Variants in CACNA2D3 observed in about 807,000 individuals in gnomAD.
CACNA2D3 encodes voltage-dependent calcium channel subunit alpha-2/delta-3.
In CACNA2D3, 60 loss-of-function variants were observed where a neutral mutation model predicts 160.6. The ratio of observed to expected loss-of-function variants is 0.37; its 90% CI spans 0.30 to 0.46. CACNA2D3 has a LOEUF of 0.46. CACNA2D3 is among the 20% of genes least tolerant of loss of function. The probability of loss-of-function intolerance (pLI) is 1.00; values close to 1 mark genes in which losing one functional copy is unlikely to be tolerated. For synonymous variants in CACNA2D3, 558 were observed against 492.9 expected (o/e 1.13, Z -1.75); for missense variants, 1,205 against 1,365.0 (o/e 0.88, Z 1.85).
intron 13 of CACNA2D3, among the ~76,000 whole-genome samples, chr3:54,775,423 C>T (rs1007238458): frequency 5.3e-5 from 8 of 152,188 alleles, no homozygotes; most frequent in East Asian, 3.9e-4. Context: ...AATGGAGACA[C>T]GAAGCCCAGT....
intron 16 of CACNA2D3, 21 bp from the exon 17 acceptor site, chr3:54,846,372 C>G: frequency 6.4e-7 from 1 of 1,556,524 alleles, no homozygotes; most frequent in Non-Finnish European, 8.8e-7. Context: ...ATGAAGGTTT[C>G]TTTCTTGCTT....
chr3:54,883,829 T>TCTCCCC (rs1699864670), intron 21 of CACNA2D3, among the ~76,000 whole-genome samples: 1 of 145,704 alleles, frequency 6.9e-6, no homozygotes, highest in African/African-American at 2.6e-5. Context: ...CTCTCCTCTC[T>TCTCCCC]CTCCCTTCAA....
intron 11 of CACNA2D3, among the ~76,000 whole-genome samples, chr3:54,727,990 A>G (rs1297264155): frequency 6.6e-6 from 1 of 152,050 alleles, no homozygotes; most frequent in African/African-American, 2.4e-5. Flanking sequence ...GCTTTTTAGT[A>G]TGTTTTTTTC....
At chr3:54,422,832 A>G (rs760679212) in intron 4 of CACNA2D3, among the ~76,000 whole-genome samples, 1 of 152,076 alleles carries the variant, frequency 6.6e-6, no homozygotes, top group Admixed American at 6.5e-5. Context: ...CTACAGAAAC[A>G]CTAACTAACA....
chr3:54,843,902 G>A (rs907651224), intron 16 of CACNA2D3, among the ~76,000 whole-genome samples: 1 of 152,176 alleles, frequency 6.6e-6, no homozygotes, highest in African/African-American at 2.4e-5. Flanking sequence ...AACAGCTTTA[G>A]AAGAACTCCA....
chr3:54,817,219 A>G (rs1208304316), intron 14 of CACNA2D3, among the ~76,000 whole-genome samples: 2 of 152,214 alleles, frequency 1.3e-5, no homozygotes, highest in Non-Finnish European at 1.5e-5. Flanking sequence ...AGGGAGACAA[A>G]TAATGTGAAT....
At chr3:54,403,145 G>T (rs935883780) in intron 4 of CACNA2D3, among the ~76,000 whole-genome samples, 2 of 151,890 alleles carry the variant, frequency 1.3e-5, no homozygotes, top group Non-Finnish European at 2.9e-5. Context: ...CAGATCACTT[G>T]AAGAGTTCGA....
At position 54,522,929 on chromosome 3, in the gene CACNA2D3, T is replaced by TTACTTACTTACTTAC. The variant is rs1559503829; in HGVS notation, c.544+19276_544+19277insACTTACTTACTTACT. Among the ~76,000 whole-genome samples the TTACTTACTTACTTAC allele has an allele frequency of 3.6e-4, 38 of 104,932 alleles. No individual in the cohort carries two copies. In the East Asian group the frequency reaches 3.9e-3, roughly 11 times the overall value. The allele number at this position is 104,932 out of a possible 152,430, so 68.8% of individuals were successfully genotyped here. A position where few individuals can be genotyped will look rare whatever the true frequency, so the allele number is the denominator to read the frequency against. On this transcript the variant is annotated intron_variant, in intron 5 of 37. Coordinates refer to ENST00000474759, the MANE Select transcript of CACNA2D3 (RefSeq NM_018398.3). ...CACCATTTATTTATTTATTTATTTA[T>TTACTTACTTACTTAC]TTATTTACTTACTTACTTACTTACT...
chr3:55,028,820 G>T (rs1703619397), intron 35 of CACNA2D3, among the ~76,000 whole-genome samples: 2 of 151,942 alleles, frequency 1.3e-5, no homozygotes, highest in Admixed American at 1.3e-4. Context: ...AAATTATATT[G>T]CCGTCGGTTT....
chr3:54,522,824 C>A (rs570659303), intron 5 of CACNA2D3, among the ~76,000 whole-genome samples: 3 of 152,296 alleles, frequency 2.0e-5, no homozygotes, highest in Non-Finnish European at 4.4e-5. Flanking sequence ...TCAACTCTTA[C>A]AGGTCTCATC....
chr3:54,212,160 G>C (rs935663643), intron 2 of CACNA2D3, among the ~76,000 whole-genome samples: 4 of 152,198 alleles, frequency 2.6e-5, no homozygotes, highest in Non-Finnish European at 5.9e-5. Flanking sequence ...TTTTGCCAAG[G>C]TTAAGGATGG....
chr3:54,682,621 AAAG>A (rs1201338943), intron 11 of CACNA2D3, among the ~76,000 whole-genome samples: 11 of 152,190 alleles, frequency 7.2e-5, no homozygotes, highest in African/African-American at 2.2e-4. Flanking sequence ...AAAAAAGAAA[AAAG>A]AAATTAATAA....
At chr3:54,714,499 A>G (rs1030307462) in intron 11 of CACNA2D3, among the ~76,000 whole-genome samples, 1 of 152,182 alleles carries the variant, frequency 6.6e-6, no homozygotes, top group Non-Finnish European at 1.5e-5. Context: ...GATATACCCC[A>G]AGACTCTTCA....
chr3:54,482,070 C>T (rs1267489173), intron 4 of CACNA2D3, among the ~76,000 whole-genome samples: 2 of 152,166 alleles, frequency 1.3e-5, no homozygotes, highest in African/African-American at 4.8e-5. Context: ...ACTCAAATTC[C>T]CAACAAATTA....
At chr3:54,225,835 T>A (rs924939587) in intron 2 of CACNA2D3, among the ~76,000 whole-genome samples, 2 of 151,982 alleles carry the variant, frequency 1.3e-5, no homozygotes, top group Non-Finnish European at 2.9e-5. Flanking sequence ...GACTGAGTGG[T>A]GGACATTGTA....
At chr3:54,637,996 C>T (rs535193090) in intron 10 of CACNA2D3, 3 of 152,110 alleles carry the variant, frequency 2.0e-5, no homozygotes, top group South Asian at 2.1e-4. Context: ...ACAGTTCAGG[C>T]GTTTGGAAGT....
rs117782321 is a variant in CACNA2D3 at position 54,406,343 on chromosome 3, T to C, written c.381+19569T>C. ...GATAAAGAAACTGTGTGCATATATA[T>C]ATGTATATAGTGTGTATGTGTGTAT... On this transcript the variant is annotated intron_variant, in intron 4 of 37. Coordinates refer to ENST00000474759, the MANE Select transcript of CACNA2D3 (RefSeq NM_018398.3). 5.7e-4 allele frequency among the ~76,000 whole-genome samples: 87 copies of C among 152,180 alleles called. No individual in the cohort carries two copies. In the East Asian group the frequency reaches 0.016, roughly 28 times the overall value.
chr3:54,548,558 A>G (rs1489341389), intron 5 of CACNA2D3, among the ~76,000 whole-genome samples: 8 of 152,148 alleles, frequency 5.3e-5, no homozygotes, highest in Non-Finnish European at 1.0e-4. Context: ...CCATTACCAG[A>G]CCTGGCCATT....
In CACNA2D3 at chr3:54,581,871, C is replaced by T. The variant is rs753008906; in HGVS notation, c.957C>T (p.Asn319=). ...CTTTGGTGCAAGCCGACAGGACAAA[C>T]AAAGAGGTAGGGGCAGCTCGGGGGA... ...NGTLVQADRT[N]KEHFREHLDK... The change falls in exon 9 of 38, where the codon AAC becomes AAT. Residue 319 remains asparagine (N), a synonymous_variant. Coordinates refer to ENST00000474759, the MANE Select transcript of CACNA2D3 (RefSeq NM_018398.3). 6.2e-7 allele frequency: 1 copy of T among 1,613,686 alleles called. No individual in the cohort carries two copies.
Sources: allele counts gnomAD v4.1 joint callset (sites outside exome capture counted in the v4.1 genomes callset), GRCh38; gene constraint gnomAD v4.1.1; transcripts MANE v1.5; gene names NCBI Gene and HGNC (gene_info 2026-07-23, HGNC 2026-07-21).